SLC6A17: variants seen among roughly 807,000 people sequenced by gnomAD.
The protein encoded by SLC6A17 is sodium-dependent neutral amino acid transporter SLC6A17.
In SLC6A17, 21 loss-of-function variants were observed where a neutral mutation model predicts 64.5. That is an observed-to-expected ratio of 0.33 (90% CI 0.23 to 0.47). The LOEUF (loss-of-function observed/expected upper bound fraction) is 0.47, where lower values mean the gene tolerates loss of function less well. Among genes scored for constraint, SLC6A17 ranks in the 20% least tolerant of loss-of-function variants. The pLI, the probability that SLC6A17 is intolerant of heterozygous loss-of-function variation, is 1.00. For synonymous variants in SLC6A17, 372 were observed against 399.5 expected (o/e 0.93, Z 0.82); for missense variants, 682 against 963.2 (o/e 0.71, Z 3.86).
intron 6 of SLC6A17, among the ~76,000 whole-genome samples, chr1:110,183,255 G>A (rs1238098842): frequency 6.6e-6 from 1 of 152,156 alleles, no homozygotes; most frequent in Non-Finnish European, 1.5e-5. Context: ...TTTAAAATGT[G>A]GTATATGCAT....
chr1:110,171,777 T>A (rs1656231048), intron 2 of SLC6A17, among the ~76,000 whole-genome samples: 1 of 152,140 alleles, frequency 6.6e-6, no homozygotes, highest in African/African-American at 2.4e-5. Flanking sequence ...GGCAGTGCAA[T>A]GTCTGTCTGT....
rs374649824 is a variant in SLC6A17 at position 110,198,242 on chromosome 1, T to A, written c.1982T>A (p.Met661Lys). 6.2e-7 allele frequency: 1 copy of A among 1,614,044 alleles called. No homozygotes were observed. The highest frequency in any genetic ancestry group is 1.3e-5 in the African/African-American group (1 of 74,900). Residue 661 changes from methionine to lysine, a missense_variant, in exon 12 of 12, where the codon ATG (methionine) becomes AAG (lysine). This residue lies in a region of SLC6A17 where 264 missense variants were observed against 339.5 expected (regional missense o/e 0.78). Coordinates refer to ENST00000331565, the MANE Select transcript of SLC6A17 (RefSeq NM_001010898.4). ...GTGTCCTACAAGAAGGGCCGCATGA[T>A]GAAGGACATCTCCAACCTGGAGGAG... ...LSVSYKKGRMMKDISNLEEND... is the reference protein window; with the variant it reads ...LSVSYKKGRMKKDISNLEEND...
intron 3 of SLC6A17, among the ~76,000 whole-genome samples, chr1:110,173,484 T>C (rs866723383): frequency 2.0e-5 from 3 of 152,224 alleles, no homozygotes; most frequent in South Asian, 2.1e-4. Context: ...GTGCCATCTT[T>C]CTAGAGGCAG....
intron 1 of SLC6A17, among the ~76,000 whole-genome samples, chr1:110,156,377 C>A (rs1036289190): frequency 1.3e-5 from 2 of 152,110 alleles, no homozygotes; most frequent in African/African-American, 4.8e-5. Context: ...GCATGTGGCC[C>A]AGAAATAATG....
chr1:110,198,400 G>A lies in SLC6A17; in HGVS notation c.2140G>A (p.Gly714Arg), dbSNP rs1333465610. 3 of 1,613,696 alleles carry A rather than the reference G, an allele frequency of 1.9e-6. No individual in the cohort carries two copies. The highest frequency in any genetic ancestry group is 2.5e-6 in the Non-Finnish European group (3 of 1,179,970). The change falls in exon 12 of 12, where the codon GGG becomes AGG. Residue 714 changes from glycine to arginine, a missense_variant. Transcript: ENST00000331565. Reference protein sequence around the residue: ...ETSGNPNGRYGSGYLLASTPE... With the variant: ...ETSGNPNGRYRSGYLLASTPE... Reference sequence around the variant, plus strand: ...CAGCGGTAACCCCAATGGACGCTATGGGAGCGGCTACCTGCTGGCCAGCAC... The same window carrying A: ...CAGCGGTAACCCCAATGGACGCTATAGGAGCGGCTACCTGCTGGCCAGCAC...
chr1:110,168,754 T>G (rs923049381), intron 2 of SLC6A17, among the ~76,000 whole-genome samples: 6 of 152,240 alleles, frequency 3.9e-5, no homozygotes, highest in African/African-American at 1.2e-4. Flanking sequence ...TGATCAGTTC[T>G]GCCTGGGCAC....
rs1164594918 is a variant in SLC6A17, at chr1:110,199,713, T to A, written c.*1269T>A. The A allele has an allele frequency of 5.4e-6, 2 of 367,028 alleles. No homozygotes were observed. Among genetic ancestry groups the A allele is most frequent in the African/African-American group, 4.2e-5 (2 of 47,998 alleles). 22.7% of individuals were successfully genotyped at this position (367,028 alleles called of 1,614,324 possible). ...GGTCTTCAGGATGGAGGCCAGCCTG[T>A]GCAGAAGGCTGCAGCTGACAACAGC... is the stretch of plus-strand genomic sequence containing the variant. On this transcript the variant is annotated 3_prime_UTR_variant, in exon 12 of 12. Transcript: ENST00000331565.
intron 6 of SLC6A17, among the ~76,000 whole-genome samples, chr1:110,189,365 C>T (rs912819160): frequency 6.6e-6 from 1 of 152,144 alleles, no homozygotes; most frequent in African/African-American, 2.4e-5. Context: ...GCCCTCACCT[C>T]GGCCTCTCCC....
At chr1:110,185,382 G>A (rs773796265) in intron 6 of SLC6A17, among the ~76,000 whole-genome samples, 10 of 152,224 alleles carry the variant, frequency 6.6e-5, no homozygotes, top group Non-Finnish European at 1.2e-4. Context: ...TCGTGGCCCC[G>A]GCTGGCTCCA....
At position 110,176,683 on chromosome 1, in the gene SLC6A17, C is replaced by T. The variant is rs759444518; in HGVS notation, c.808C>T (p.Arg270Trp). The change falls in exon 6 of 12, where the codon CGG (arginine) becomes TGG (tryptophan). Residue 270 changes from arginine (R) to tryptophan (W), a missense_variant. Transcript: ENST00000331565. ...PYVVLACFLVRGLLLRGAVDG... is the reference protein window; with the variant it reads ...PYVVLACFLVWGLLLRGAVDG... ...CGTGGTGCTGGCCTGCTTCCTGGTCCGGGGGCTGTTGCTGCGAGGGGCAGT... is the reference window on the plus strand; with the variant it reads ...CGTGGTGCTGGCCTGCTTCCTGGTCTGGGGGCTGTTGCTGCGAGGGGCAGT... The T allele has an allele frequency of 3.1e-6, 5 of 1,613,874 alleles. No homozygotes were observed. The highest frequency in any genetic ancestry group is 4.2e-6 in the Non-Finnish European group (5 of 1,179,958).
At chr1:110,189,053 T>G (rs1013845102) in intron 6 of SLC6A17, among the ~76,000 whole-genome samples, 2 of 152,324 alleles carry the variant, frequency 1.3e-5, no homozygotes, top group East Asian at 3.9e-4. Context: ...CCCTCTTCCC[T>G]GCATTCAGTG....
intron 2 of SLC6A17, 95 bp from the exon 3 acceptor site, chr1:110,171,965 A>C: frequency 6.7e-7 from 1 of 1,493,492 alleles, no homozygotes; most frequent in Non-Finnish European, 9.1e-7. Flanking sequence ...ATGACCAGAG[A>C]TGTGGCTGAG....
At chr1:110,182,180 C>T (rs184802562) in intron 6 of SLC6A17, among the ~76,000 whole-genome samples, 2 of 152,254 alleles carry the variant, frequency 1.3e-5, no homozygotes, top group African/African-American at 4.8e-5. Flanking sequence ...ATTTCAGAAG[C>T]AGAGTCAAAA....
chr1:110,173,794 G>A (rs41302081), intron 3 of SLC6A17, among the ~76,000 whole-genome samples, 179 bp from the exon 4 acceptor site: 1,168 of 58,254 alleles, frequency 0.02, 6 homozygotes, highest in Middle Eastern at 0.05. Flanking sequence ...CAGATGAATG[G>A]AGCGTGAATG....
intron 6 of SLC6A17, among the ~76,000 whole-genome samples, chr1:110,181,369 T>TAAA (rs1305324659): frequency 6.6e-6 from 1 of 152,252 alleles, no homozygotes; most frequent in Non-Finnish European, 1.5e-5. Context: ...TGTTGTTCAT[T>TAAA]ACAGCATTTG....
intron 3 of SLC6A17, among the ~76,000 whole-genome samples, chr1:110,173,362 A>G (rs1303948093): frequency 6.6e-6 from 1 of 152,216 alleles, no homozygotes; most frequent in Non-Finnish European, 1.5e-5. Context: ...ATCCCTGCCC[A>G]TAGAAACATT....
Position 110,192,187 on chromosome 1 carries a change from C to A in SLC6A17, c.1080C>A (p.Asn360Lys). ...TTGCTGTGCTGGGCTTCAAGGCCAA[C>A]ATCATGAATGAGAAGTGTGTGGTCG... ...VVFAVLGFKANIMNEKCVVEN... is the reference protein window; with the variant it reads ...VVFAVLGFKAKIMNEKCVVEN... Residue 360 changes from asparagine to lysine, a missense_variant, in exon 7 of 12, where the codon AAC (asparagine) becomes AAA (lysine). Asn to Lys is a moderately conservative substitution (Grantham distance 94). Around this residue, in one of 3 missense-constraint regions of SLC6A17, gnomAD observed 415 missense variants for 603.8 expected, o/e 0.69. Coordinates refer to ENST00000331565, the MANE Select transcript of SLC6A17 (RefSeq NM_001010898.4). This position sits in a 1 kb window ranked among gnomAD's most constrained non-coding sequence, Gnocchi z 4.3. 1 of 1,613,546 alleles carries A rather than the reference C, an allele frequency of 6.2e-7. No homozygotes were observed. Among genetic ancestry groups the A allele is most frequent in the Non-Finnish European group, 8.5e-7 (1 of 1,179,504 alleles).
chr1:110,172,337 G>T, intron 3 of SLC6A17, 120 bp downstream of exon 3: 1 of 1,276,104 alleles, frequency 7.8e-7, no homozygotes, highest in Non-Finnish European at 1.1e-6. Flanking sequence ...CAGGGAGGGG[G>T]ATCCTCAACA....
chr1:110,173,625 T>G (rs1276470943), intron 3 of SLC6A17, among the ~76,000 whole-genome samples: 5 of 152,234 alleles, frequency 3.3e-5, no homozygotes, highest in Non-Finnish European at 1.5e-5. Context: ...AGGGCATCTC[T>G]GTCATTACAA....
Sources: gnomAD v4.1 joint callset for allele counts (sites outside exome capture counted in the v4.1 genomes callset) on GRCh38, gnomAD v4.1.1 for gene constraint, gnomAD v4.1.1 regional missense constraint, Gnocchi (gnomAD v3.1) non-coding constraint, MANE v1.5 for transcripts, NCBI Gene and HGNC (gene_info 2026-07-23, HGNC 2026-07-21) for gene names.